Variants in MSI2 observed in about 807,000 individuals in gnomAD.
MSI2 encodes the protein musashi RNA binding protein 2, also known as RNA-binding protein Musashi homolog 2.
Under a neutral mutation model 45.6 loss-of-function variants are expected in MSI2, and 17 were observed. The ratio of observed to expected loss-of-function variants is 0.37; its 90% CI spans 0.26 to 0.56. The LOEUF (loss-of-function observed/expected upper bound fraction) is 0.56. Ranked by LOEUF, MSI2 falls within the 20% of genes least tolerant of loss-of-function variation. The pLI is 0.77. For missense variants in MSI2, 293 were observed against 444.2 expected, an observed-to-expected ratio of 0.66 and a Z score of 3.06; for synonymous variants, 156 against 158.2, an observed-to-expected ratio of 0.99 and a Z score of 0.11.
chr17:57,380,204 A>C (rs1369158228), intron 5 of MSI2, among the ~76,000 whole-genome samples: 1 of 152,132 alleles, frequency 6.6e-6, no homozygotes. Flanking sequence ...TTGTGGAGCC[A>C]CCCACAATAG....
In MSI2 at chr17:57,529,003, A is replaced by G. The variant is rs1441079093; in HGVS notation, c.406-673A>G. Among the ~76,000 whole-genome samples the G allele has an allele frequency of 4.6e-5, 7 of 152,332 alleles. No homozygotes were observed. The East Asian group carries it at 1.3e-3, about 29-fold the overall frequency. ...TACACTGGGAAATATGCATCGGTCAAGATAGTAGTATACATGATATACTAA... is the reference window on the plus strand; with the variant it reads ...TACACTGGGAAATATGCATCGGTCAGGATAGTAGTATACATGATATACTAA... On this transcript the variant is annotated intron_variant, in intron 6 of 13. Transcript: ENST00000284073. This position sits in a 1 kb window ranked among gnomAD's most constrained non-coding sequence, Gnocchi z 5.3.
intron 5 of MSI2, among the ~76,000 whole-genome samples, chr17:57,288,132 A>G (rs1003209700): frequency 2.6e-5 from 4 of 152,198 alleles, no homozygotes; most frequent in African/African-American, 9.7e-5. Context: ...TGGCCAAGTG[A>G]CATAACCTCT....
intron 5 of MSI2, among the ~76,000 whole-genome samples, chr17:57,329,812 CAG>C (rs1270301771): frequency 1.3e-5 from 2 of 152,168 alleles, no homozygotes; most frequent in Admixed American, 1.3e-4. Flanking sequence ...AGAACGGACA[CAG>C]AGGCTCCTGG....
rs1316050604 is a variant in MSI2, at chr17:57,280,141, T to A, written c.312+17949T>A. 2 of 150,792 alleles carry A rather than the reference T, an allele frequency of 1.3e-5. No individual in the cohort carries two copies. The highest frequency in any genetic ancestry group is 2.9e-5 in the Non-Finnish European group (2 of 67,826). The allele number at this position is 150,792 out of a possible 1,614,324, so 9.3% of individuals were successfully genotyped here. On this transcript the variant is annotated intron_variant, in intron 5 of 13. Transcript: ENST00000284073. The surrounding 1 kb of genome is among the most constrained non-coding windows in gnomAD (Gnocchi z 4.2). Reference sequence around the variant, plus strand: ...TTTCATGTGCTGAGGGAAGAGAGGGTGGCTGGAATGCAGAGAGTGAGGAGG... The same window carrying A: ...TTTCATGTGCTGAGGGAAGAGAGGGAGGCTGGAATGCAGAGAGTGAGGAGG...
intron 7 of MSI2, among the ~76,000 whole-genome samples, chr17:57,540,180 G>A (rs1336612179): frequency 6.6e-6 from 1 of 152,200 alleles, no homozygotes; most frequent in African/African-American, 2.4e-5. Flanking sequence ...ATGGACTTGG[G>A]AAGTTTAAGT....
intron 6 of MSI2, among the ~76,000 whole-genome samples, chr17:57,489,527 C>T (rs377256834): frequency 2.0e-4 from 30 of 152,218 alleles, no homozygotes; most frequent in Non-Finnish European, 3.8e-4. Context: ...GCTCCTGGCA[C>T]GGCCAGTCCC....
chr17:57,635,561 G>T (rs1182246751), intron 10 of MSI2, among the ~76,000 whole-genome samples: 1 of 152,274 alleles, frequency 6.6e-6, no homozygotes, highest in Non-Finnish European at 1.5e-5. Flanking sequence ...CAGCCACAGA[G>T]CACTCGGGGT....
intron 6 of MSI2, among the ~76,000 whole-genome samples, chr17:57,465,892 G>A (rs995328584): frequency 3.9e-5 from 6 of 152,292 alleles, no homozygotes; most frequent in East Asian, 1.9e-4. Flanking sequence ...TCTGAGCCCC[G>A]TAGAAGGGTT....
chr17:57,452,903 G>A (rs1428068888), intron 6 of MSI2, among the ~76,000 whole-genome samples: 2 of 151,926 alleles, frequency 1.3e-5, no homozygotes, highest in Non-Finnish European at 2.9e-5. Context: ...GGATTTGGAT[G>A]CAGGCTCTAA....
chr17:57,649,761 G>A (rs951531964), intron 10 of MSI2, among the ~76,000 whole-genome samples: 6 of 152,230 alleles, frequency 3.9e-5, no homozygotes, highest in East Asian at 1.9e-4. Context: ...GGGGGATGGC[G>A]AGGAGCAGCA....
intron 5 of MSI2, among the ~76,000 whole-genome samples, chr17:57,271,688 C>T (rs1422616474): frequency 1.3e-5 from 2 of 151,134 alleles, no homozygotes; most frequent in East Asian, 1.9e-4. Context: ...TCCATACCCT[C>T]CACCGAAATG....
intron 11 of MSI2, among the ~76,000 whole-genome samples, chr17:57,669,574 T>C (rs1912629062): frequency 6.6e-6 from 1 of 152,080 alleles, no homozygotes; most frequent in Admixed American, 6.5e-5. Flanking sequence ...AAGGTAGAGG[T>C]GTGTGTTGGA....
intron 5 of MSI2, among the ~76,000 whole-genome samples, chr17:57,377,052 C>T (rs1265856487): frequency 6.6e-6 from 1 of 152,074 alleles, no homozygotes; most frequent in Non-Finnish European, 1.5e-5. Context: ...TCCCAAGTAG[C>T]TGGGACTACA....
At chr17:57,579,689 G>A (rs1425643553) in intron 7 of MSI2, among the ~76,000 whole-genome samples, 1 of 152,210 alleles carries the variant, frequency 6.6e-6, no homozygotes, top group African/African-American at 2.4e-5. Context: ...AAATTATTAA[G>A]TCATGACAGC....
At chr17:57,286,031 T>C (rs1909843869) in intron 5 of MSI2, 2 of 1,498,852 alleles carry the variant, frequency 1.3e-6, no homozygotes, top group Non-Finnish European at 1.8e-6. Context: ...AAGTTCATGC[T>C]GTTCATATTA....
chr17:57,273,541 G>T (rs1233059257), intron 5 of MSI2, among the ~76,000 whole-genome samples: 1 of 129,822 alleles, frequency 7.7e-6, no homozygotes, highest in Admixed American at 8.2e-5. Context: ...TGGGTGGGGG[G>T]GGGGACCTCA....
chr17:57,558,968 G>A (rs975905763), intron 7 of MSI2, among the ~76,000 whole-genome samples: 4 of 152,078 alleles, frequency 2.6e-5, no homozygotes, highest in African/African-American at 7.2e-5. Context: ...AGGCTGAGGC[G>A]GGAGAATCAC....
At chr17:57,544,710 TCC>T (rs2087125411) in intron 7 of MSI2, among the ~76,000 whole-genome samples, 1 of 152,186 alleles carries the variant, frequency 6.6e-6, no homozygotes, top group Admixed American at 6.5e-5. Flanking sequence ...TCTAAAAACA[TCC>T]TATTTTAAAA....
rs143919152 is a variant in MSI2 at position 57,535,621 on chromosome 17, G to C, written c.454+5897G>C. ...TAACAGCCCTGAGACCCACTGGAAGGGGGTGGGATGGTTTTGTGAGCCCCA... is the reference window on the plus strand; with the variant it reads ...TAACAGCCCTGAGACCCACTGGAAGCGGGTGGGATGGTTTTGTGAGCCCCA... On this transcript the variant is annotated intron_variant, in intron 7 of 13. Coordinates refer to ENST00000284073, the MANE Select transcript of MSI2 (RefSeq NM_138962.4). Among the ~76,000 whole-genome samples, 580 of 152,322 alleles carry C rather than the reference G, an allele frequency of 3.8e-3. 4 individuals are homozygous for C. The highest frequency in any genetic ancestry group is 5.1e-3 in the Non-Finnish European group (346 of 68,022).
Sources: allele counts gnomAD v4.1 joint callset (sites outside exome capture counted in the v4.1 genomes callset), GRCh38; gene constraint gnomAD v4.1.1; non-coding constraint Gnocchi (gnomAD v3.1); transcripts MANE v1.5; gene names NCBI Gene and HGNC (gene_info 2026-07-23, HGNC 2026-07-21).